The following CADM2 variants were observed in gnomAD, a reference collection of about 807,000 sequenced individuals.
The protein encoded by CADM2 is immunoglobulin superfamily member 4D.
In CADM2, 12 loss-of-function variants were observed where a neutral mutation model predicts 49.8. The ratio of observed to expected loss-of-function variants is 0.24; its 90% CI spans 0.15 to 0.39. The LOEUF is 0.39. CADM2 is among the 10% of genes least tolerant of loss of function. The pLI is 1.00. For synonymous variants in CADM2, 214 were observed against 175.4 expected (o/e 1.22, Z -1.74); for missense variants, 378 against 492.3 (o/e 0.77, Z 2.20).
intron 7 of CADM2, among the ~76,000 whole-genome samples, chr3:85,956,748 A>T (rs1724105342): frequency 6.6e-6 from 1 of 151,094 alleles, no homozygotes; most frequent in Admixed American, 6.6e-5. Flanking sequence ...TAAACAATTT[A>T]AAAAGACATA....
chr3:85,058,573 T>C (rs569181716), intron 1 of CADM2, among the ~76,000 whole-genome samples: 1 of 152,108 alleles, frequency 6.6e-6, no homozygotes, highest in African/African-American at 2.4e-5. Flanking sequence ...GCCTACCAAG[T>C]AGCTGGGATT....
At chr3:85,756,195 A>C (rs1054227644) in intron 2 of CADM2, among the ~76,000 whole-genome samples, 10 of 152,088 alleles carry the variant, frequency 6.6e-5, no homozygotes, top group Admixed American at 3.3e-4. Flanking sequence ...GCATAAAAAG[A>C]GATTTAATGG....
intron 1 of CADM2, among the ~76,000 whole-genome samples, chr3:85,421,041 GA>G (rs1236169715): frequency 6.6e-6 from 1 of 152,112 alleles, no homozygotes; most frequent in East Asian, 1.9e-4. Flanking sequence ...AGCACAGTGT[GA>G]ATGTCTATTA....
intron 1 of CADM2, among the ~76,000 whole-genome samples, chr3:85,113,572 T>C (rs761886621): frequency 4.6e-5 from 7 of 152,014 alleles, no homozygotes; most frequent in Non-Finnish European, 1.0e-4. Flanking sequence ...AATAATACAA[T>C]TTAATCCTAA....
At chr3:85,927,470 A>T (rs1241380673) in intron 6 of CADM2, among the ~76,000 whole-genome samples, 1 of 152,192 alleles carries the variant, frequency 6.6e-6, no homozygotes. Flanking sequence ...TTCTAGTGAA[A>T]CAATGGATAG....
chr3:86,027,616 T>G lies in CADM2; in HGVS notation c.971-37989T>G, dbSNP rs189758971. On this transcript the variant is annotated intron_variant, in intron 8 of 9. Transcript: ENST00000383699. ...AACGTTCTATATGAGGCATAGCCTA[T>G]TGAAATGACTCACCATGTTTATGGG... is the stretch of plus-strand genomic sequence containing the variant. 2.0e-5 allele frequency among the ~76,000 whole-genome samples: 3 copies of G among 152,278 alleles called. No homozygotes were observed. The East Asian group carries it at 5.8e-4, about 29-fold the overall frequency.
chr3:85,026,883 C>A (rs1172679009), intron 1 of CADM2, among the ~76,000 whole-genome samples: 3 of 151,902 alleles, frequency 2.0e-5, no homozygotes, highest in African/African-American at 7.3e-5. Flanking sequence ...TTTAAAAATG[C>A]TAGTGTATAT....
At chr3:85,369,502 C>T (rs1341583823) in intron 1 of CADM2, among the ~76,000 whole-genome samples, 2 of 152,134 alleles carry the variant, frequency 1.3e-5, no homozygotes, top group Non-Finnish European at 1.5e-5. Context: ...GGCTCAGTGG[C>T]TCATGCCTGT....
intron 8 of CADM2, among the ~76,000 whole-genome samples, chr3:86,026,970 A>G (rs1733970747): frequency 6.6e-6 from 1 of 152,214 alleles, no homozygotes; most frequent in African/African-American, 2.4e-5. Context: ...GCCTTTCAAA[A>G]GGAGAAAATG....
At chr3:85,513,308 A>G (rs759669423) in intron 1 of CADM2, among the ~76,000 whole-genome samples, 1 of 152,018 alleles carries the variant, frequency 6.6e-6, no homozygotes, top group Non-Finnish European at 1.5e-5. Flanking sequence ...GAGTCCTGCA[A>G]TGCTGAAAGG....
intron 1 of CADM2, among the ~76,000 whole-genome samples, chr3:85,022,843 C>T (rs76773157): frequency 1.3e-3 from 198 of 152,138 alleles, no homozygotes; most frequent in African/African-American, 4.2e-3. Context: ...TTATCTTAAT[C>T]GTACATTCAG....
chr3:85,985,268 A>G (rs576416592), intron 8 of CADM2, among the ~76,000 whole-genome samples: 2 of 152,046 alleles, frequency 1.3e-5, no homozygotes, highest in Admixed American at 1.3e-4. Flanking sequence ...CACATTGTGC[A>G]AGGGGCAGAG....
chr3:85,344,284 G>A (rs2030304718), intron 1 of CADM2, among the ~76,000 whole-genome samples: 1 of 151,782 alleles, frequency 6.6e-6, no homozygotes, highest in Non-Finnish European at 1.5e-5. Flanking sequence ...GGGAGGCTAA[G>A]GCAGGAGAAT....
intron 1 of CADM2, among the ~76,000 whole-genome samples, chr3:85,030,479 A>T (rs1340907282): frequency 6.6e-6 from 1 of 152,184 alleles, no homozygotes; most frequent in Admixed American, 6.5e-5. Context: ...ATCATTACCA[A>T]TGTCAATAAT....
At chr3:85,648,918 C>A (rs922753529) in intron 1 of CADM2, among the ~76,000 whole-genome samples, 1 of 150,916 alleles carries the variant, frequency 6.6e-6, no homozygotes, top group Non-Finnish European at 1.5e-5. Flanking sequence ...CCTTTTTTTT[C>A]CTCCCACAGT....
At chr3:85,155,459 A>G (rs912878568) in intron 1 of CADM2, among the ~76,000 whole-genome samples, 2 of 152,122 alleles carry the variant, frequency 1.3e-5, no homozygotes, top group Admixed American at 1.3e-4. Flanking sequence ...AGTGACCTAT[A>G]AAGAAACTTA....
At chr3:85,278,786 T>C (rs980522906) in intron 1 of CADM2, among the ~76,000 whole-genome samples, 1 of 150,294 alleles carries the variant, frequency 6.7e-6, no homozygotes, top group Non-Finnish European at 1.5e-5. Context: ...AAAATCACAA[T>C]GTTTTAAACA....
chr3:84,976,554 G>A (rs915246328), intron 1 of CADM2, among the ~76,000 whole-genome samples: 6 of 151,556 alleles, frequency 4.0e-5, no homozygotes, highest in African/African-American at 1.5e-4. Flanking sequence ...ACTTATATTT[G>A]GTGATAATCT....
chr3:85,253,536 T>G (rs2042820152), intron 1 of CADM2, among the ~76,000 whole-genome samples: 1 of 152,124 alleles, frequency 6.6e-6, no homozygotes, highest in South Asian at 2.1e-4. Flanking sequence ...CACTCTTCTC[T>G]GCTTTTGCAC....
Sources: gnomAD v4.1 joint callset for allele counts (sites outside exome capture counted in the v4.1 genomes callset) on GRCh38, gnomAD v4.1.1 for gene constraint, MANE v1.5 for transcripts, NCBI Gene and HGNC (gene_info 2026-07-23, HGNC 2026-07-21) for gene names.